PHF6: variants seen among roughly 807,000 people sequenced by gnomAD.
The protein encoded by PHF6 is PHD-like zinc finger protein.
A neutral mutation model predicts 34.0 loss-of-function variants in PHF6; 7 were observed. The ratio of observed to expected loss-of-function variants is 0.21; its 90% CI spans 0.12 to 0.39. The LOEUF (loss-of-function observed/expected upper bound fraction) is 0.39. Ranked by LOEUF, PHF6 falls within the 10% of genes least tolerant of loss-of-function variation. The probability of loss-of-function intolerance (pLI) is 1.00; values close to 1 mark genes in which losing one functional copy is unlikely to be tolerated. For missense variants in PHF6, 128 were observed against 262.8 expected (o/e 0.49, Z 3.55); for synonymous variants, 89 against 88.4 (o/e 1.01, Z -0.04).
chrX:134,384,791 A>G (rs1258669627), intron 3 of PHF6, among the ~76,000 whole-genome samples: 2 of 109,119 alleles, frequency 1.8e-5, no homozygotes, highest in Non-Finnish European at 3.8e-5. Context: ...AGCTGGGACT[A>G]CAGGCGCCCA....
intron 5 of PHF6, among the ~76,000 whole-genome samples, chrX:134,404,886 T>C (rs1400991550): frequency 3.6e-5 from 4 of 112,166 alleles, no homozygotes; most frequent in Non-Finnish European, 7.5e-5. Flanking sequence ...CATAATGCTA[T>C]TATACACTTA....
At chrX:134,386,112 GACAA>G (rs1266774524) in intron 3 of PHF6, among the ~76,000 whole-genome samples, 1 of 111,621 alleles carries the variant, frequency 9.0e-6, no homozygotes, top group Non-Finnish European at 1.9e-5. Context: ...GGAAGTCAAA[GACAA>G]ACAATTTCAA....
In PHF6 at chrX:134,413,249, A is replaced by C. The variant is rs6634981; in HGVS notation, c.419-242A>C. ...TAATTTTACAAACTCTTTGAAACCT[A>C]TGGTAAAAAAAAATAATAATGCAAA... On this transcript the variant is annotated intron_variant, in intron 5 of 10. Transcript: ENST00000370803. Among the ~76,000 whole-genome samples, 8,737 of 111,363 alleles carry C rather than the reference A, an allele frequency of 0.078. 350 individuals are homozygous for C. Among genetic ancestry groups the C allele is most frequent in the East Asian group, 0.2 (723 of 3,543 alleles).
chrX:134,414,006 T>G (rs1469083970), intron 7 of PHF6, 40 bp downstream of exon 7: 2 of 1,187,039 alleles, frequency 1.7e-6, no homozygotes, highest in Admixed American at 2.2e-5. Context: ...GTTTTTTTGT[T>G]GTTTGTTTTT....
At chrX:134,394,003 T>A (rs775069614) in intron 5 of PHF6, 51 bp downstream of exon 5, 2 of 1,053,777 alleles carry the variant, frequency 1.9e-6, no homozygotes, top group Non-Finnish European at 2.7e-6. Context: ...AGAAGAAATT[T>A]GAGTACAGAT....
chrX:134,421,824 A>AG (rs2077492708), intron 9 of PHF6, among the ~76,000 whole-genome samples: 1 of 110,502 alleles, frequency 9.0e-6, no homozygotes, highest in Admixed American at 9.7e-5. Flanking sequence ...AAAAAAAAAA[A>AG]AAAGATTTTC....
intron 3 of PHF6, among the ~76,000 whole-genome samples, chrX:134,383,721 G>A (rs897844605): frequency 9.0e-5 from 10 of 111,681 alleles, no homozygotes; most frequent in Non-Finnish European, 1.9e-4. Flanking sequence ...AGGAAATTGA[G>A]GCTCAGATGA....
At chrX:134,396,053 G>GT (rs2077375818) in intron 5 of PHF6, among the ~76,000 whole-genome samples, 1 of 111,306 alleles carries the variant, frequency 9.0e-6, no homozygotes, top group East Asian at 2.8e-4. Context: ...GCCCTATATG[G>GT]TTTTTTTCTT....
chrX:134,415,159 G>A (rs2077467696), intron 8 of PHF6, 39 bp downstream of exon 8: 6 of 1,205,504 alleles, frequency 5.0e-6, no homozygotes, highest in Non-Finnish European at 4.5e-6. Flanking sequence ...CATTACACTT[G>A]ATTTGCTGCT....
rs932424520 is a variant in PHF6, at chrX:134,384,295, TAA to T, written c.240+6190_240+6191del. ...GTCTTTGAGACCCATTCCAGTTGAG[TAA>T]GGTGGGATGATTGCAGGGTCTTCCA... is the stretch of plus-strand genomic sequence containing the variant. On this transcript the variant is annotated intron_variant, in intron 3 of 10. Transcript: ENST00000370803. Among the ~76,000 whole-genome samples, 6 of 111,249 alleles carry T rather than the reference TAA, an allele frequency of 5.4e-5. No homozygotes were observed. In the Admixed American group the frequency reaches 5.7e-4, roughly 11 times the overall value.
At chrX:134,380,268 T>G (rs2077301220) in intron 3 of PHF6, among the ~76,000 whole-genome samples, 1 of 106,563 alleles carries the variant, frequency 9.4e-6, no homozygotes, top group African/African-American at 3.4e-5. Flanking sequence ...TGCCTCAGCC[T>G]CCCAAGTAGC....
chrX:134,406,813 G>A (rs1196817404), intron 5 of PHF6, among the ~76,000 whole-genome samples: 2 of 111,825 alleles, frequency 1.8e-5, no homozygotes, highest in Admixed American at 9.5e-5. Flanking sequence ...ACTTTTTATC[G>A]TATTTATTTT....
chrX:134,417,396 TGTTTA>T lies in PHF6; in HGVS notation c.968+98_968+102del, dbSNP rs1433470943. The T allele has an allele frequency of 1.0e-5, 10 of 969,996 alleles. No homozygotes were observed. The African/African-American group carries it at 1.1e-4, about 11-fold the overall frequency. The allele number at this position is 969,996 out of a possible 1,213,427, so 79.9% of individuals were successfully genotyped here. ...TTACTCAGTCTCTGTTCTTAAATGG[TGTTTA>T]GTTAAGTATAGAATACTGAGCACAT... On this transcript the variant is annotated intron_variant, in intron 9 of 10. Coordinates refer to ENST00000370803, the MANE Select transcript of PHF6 (RefSeq NM_001015877.2).
intron 8 of PHF6, among the ~76,000 whole-genome samples, chrX:134,416,240 G>A (rs1278313457): frequency 1.8e-5 from 2 of 111,247 alleles, no homozygotes; most frequent in Non-Finnish European, 3.8e-5. Flanking sequence ...GATTACAGGC[G>A]TGAGCACCCG....
chrX:134,414,646 A>G (rs1407189477), intron 7 of PHF6, among the ~76,000 whole-genome samples: 1 of 93,357 alleles, frequency 1.1e-5, no homozygotes, highest in Non-Finnish European at 2.5e-5. Flanking sequence ...TCTAGTTTGA[A>G]AAAAAAAAAT....
chrX:134,413,054 G>A (rs1283053130), intron 5 of PHF6, among the ~76,000 whole-genome samples: 1 of 112,008 alleles, frequency 8.9e-6, no homozygotes, highest in African/African-American at 3.2e-5. Context: ...TTGCAGTGCG[G>A]TCAGTGTGAC....
intron 5 of PHF6, among the ~76,000 whole-genome samples, chrX:134,406,276 C>T (rs999383739): frequency 1.8e-5 from 2 of 110,662 alleles, no homozygotes; most frequent in Non-Finnish European, 3.8e-5. Flanking sequence ...GCATTTTTCA[C>T]AAGTAATTTC....
At chrX:134,386,501 C>G (rs989314736) in intron 3 of PHF6, among the ~76,000 whole-genome samples, 2 of 109,346 alleles carry the variant, frequency 1.8e-5, no homozygotes, top group African/African-American at 3.3e-5. Flanking sequence ...ACCTCCGTCT[C>G]CCTGGTTCAA....
In PHF6 at chrX:134,393,489, G is replaced by T. The variant is rs769842059; in HGVS notation, c.241-12G>T. 1 of 1,207,817 alleles carries T rather than the reference G, an allele frequency of 8.3e-7. No individual in the cohort carries two copies. Among genetic ancestry groups the T allele is most frequent in the Non-Finnish European group, 1.1e-6 (1 of 893,532 alleles). ...CACATACTAATAATATTATTTTGTC[G>T]TTTTGCTGTAGATGTGTTCTTTGTG... On this transcript the variant is annotated splice_polypyrimidine_tract_variant and intron_variant, in intron 3 of 10. Transcript: ENST00000370803.
Sources: allele counts gnomAD v4.1 joint callset (sites outside exome capture counted in the v4.1 genomes callset), GRCh38; gene constraint gnomAD v4.1.1; transcripts MANE v1.5; gene names NCBI Gene and HGNC (gene_info 2026-07-23, HGNC 2026-07-21).